The following UNC79 variants were observed in gnomAD, a reference collection of about 807,000 sequenced individuals.
UNC79 encodes the protein protein unc-79 homolog.
UNC79 carries 37 observed loss-of-function variants against 283.1 expected under a neutral mutation model. The observed-to-expected ratio is 0.13, with a 90% CI of 0.10 to 0.17. The LOEUF (loss-of-function observed/expected upper bound fraction) is 0.17. UNC79 is among the 10% of genes least tolerant of loss of function. The pLI, the probability that UNC79 is intolerant of heterozygous loss-of-function variation, is 1.00. For synonymous variants in UNC79, 1,107 were observed against 1,200.2 expected (o/e 0.92, Z 1.61); for missense variants, 2,272 against 3,211.1 (o/e 0.71, Z 7.07).
At chr14:93,375,331 G>T (rs1398187307) in intron 1 of UNC79, among the ~76,000 whole-genome samples, 2 of 152,304 alleles carry the variant, frequency 1.3e-5, no homozygotes, top group East Asian at 3.9e-4. Context: ...GCAGTGAGCT[G>T]TGATTGCACT....
chr14:93,603,354 C>T (rs775998364), exon 26 of UNC79: 32 of 1,614,014 alleles, frequency 2.0e-5, no homozygotes, highest in African/African-American at 4.0e-5. Flanking sequence ...TGAGGGACAG[C>T]GTGAAAGGGC....
chr14:93,399,553 G>C lies in UNC79; in HGVS notation c.-351+66030G>C, dbSNP rs188058300. 6.6e-5 allele frequency among the ~76,000 whole-genome samples: 10 copies of C among 152,240 alleles called. No individual in the cohort carries two copies. The East Asian group carries it at 1.9e-3, about 29-fold the overall frequency. ...TCCCATACTATTTTTGAGGAGAAAA[G>C]AGGCTTAATTTTATTAGATCCTTAA... On this transcript the variant is annotated intron_variant, in intron 1 of 49. Transcript: ENST00000256339.
chr14:93,497,996 A>C (rs1175481584), intron 7 of UNC79, among the ~76,000 whole-genome samples: 1 of 151,700 alleles, frequency 6.6e-6, no homozygotes, highest in African/African-American at 2.4e-5. Context: ...AAAAAAAATT[A>C]AGTGACCCCG....
At position 93,622,849 on chromosome 14, in the gene UNC79, C is replaced by T. The variant is rs374564401; in HGVS notation, c.5608+8C>T. On this transcript the variant is annotated splice_region_variant and intron_variant, in intron 30 of 48. Coordinates refer to ENST00000555664, the Ensembl canonical transcript of UNC79. ...GAGAACAGAAAGATCCAGGTAAGCT[C>T]GCCTCTCTTCTTTCTCTCAGCCTTA... 18 of 1,607,800 alleles carry T rather than the reference C, an allele frequency of 1.1e-5. No individual in the cohort carries two copies. The African/African-American group carries it at 1.3e-4, about 12-fold the overall frequency.
chr14:93,368,464 A>AG (rs887987110), intron 1 of UNC79, among the ~76,000 whole-genome samples: 7 of 151,980 alleles, frequency 4.6e-5, no homozygotes, highest in African/African-American at 1.7e-4. Context: ...GAAAATGTAG[A>AG]GAAAAAATGC....
In UNC79 at chr14:93,443,796, T is replaced by G. The variant is rs533036474; in HGVS notation, c.22+12745T>G. Among the ~76,000 whole-genome samples, 4 of 152,306 alleles carry G rather than the reference T, an allele frequency of 2.6e-5. No individual in the cohort carries two copies. In the East Asian group the frequency reaches 7.7e-4, roughly 29 times the overall value. On this transcript the variant is annotated intron_variant, in intron 1 of 48. Transcript: ENST00000555664. ...GTTGTTGGGTTAATTAATATTTTGTTTGTTTTTATTGCTCTATATAGTCCA... is the reference window on the plus strand; with the variant it reads ...GTTGTTGGGTTAATTAATATTTTGTGTGTTTTTATTGCTCTATATAGTCCA...
At chr14:93,567,272 C>G (rs2062948158) in intron 14 of UNC79, among the ~76,000 whole-genome samples, 1 of 152,204 alleles carries the variant, frequency 6.6e-6, no homozygotes, top group African/African-American at 2.4e-5. Flanking sequence ...GTTGCCCAGG[C>G]TGGAGTGTAG....
chr14:93,347,130 G>A (rs1162920435), intron 1 of UNC79: 2 of 927,528 alleles, frequency 2.2e-6, no homozygotes, highest in Non-Finnish European at 3.1e-6. Context: ...AAGGGGTGGG[G>A]TAGGGGGCGA....
chr14:93,626,104 A>C (rs1474286433), intron 30 of UNC79, among the ~76,000 whole-genome samples: 1 of 152,220 alleles, frequency 6.6e-6, no homozygotes, highest in Non-Finnish European at 1.5e-5. Context: ...ATTAATGGCC[A>C]TGAACCTCAA....
chr14:93,437,509 CA>C (rs1270246054), intron 1 of UNC79: 3 of 152,170 alleles, frequency 2.0e-5, no homozygotes, highest in Non-Finnish European at 4.4e-5. Flanking sequence ...TCTATCTGTG[CA>C]GCTGAAAGTC....
chr14:93,580,953 CCCT>C (rs2063760264), intron 19 of UNC79, among the ~76,000 whole-genome samples: 1 of 152,006 alleles, frequency 6.6e-6, no homozygotes, highest in African/African-American at 2.4e-5. Context: ...AAGTGGTCTA[CCCT>C]CCTCAACCTC....
chr14:93,463,248 G>A (rs1182165625), intron 1 of UNC79, among the ~76,000 whole-genome samples: 6 of 152,078 alleles, frequency 3.9e-5, no homozygotes, highest in Non-Finnish European at 8.8e-5. Flanking sequence ...AATGGTGATC[G>A]GAAAGTGCCT....
chr14:93,354,673 CT>C (rs951486971), intron 1 of UNC79, among the ~76,000 whole-genome samples: 18 of 151,358 alleles, frequency 1.2e-4, no homozygotes, highest in Admixed American at 2.6e-4. Context: ...AATTAAAAAA[CT>C]TTTTTTTTGT....
chr14:93,503,987 C>T (rs1158663413), intron 7 of UNC79, among the ~76,000 whole-genome samples: 1 of 151,856 alleles, frequency 6.6e-6, no homozygotes, highest in African/African-American at 2.4e-5. Flanking sequence ...TTATGGATAG[C>T]CAGTTGGCTC....
chr14:93,333,339 G>T (rs994673939), exon 1 of UNC79: 4 of 398,320 alleles, frequency 1.0e-5, no homozygotes, highest in Non-Finnish European at 1.3e-5. Flanking sequence ...TATAAGAACT[G>T]TGTCACTACT....
intron 14 of UNC79, among the ~76,000 whole-genome samples, chr14:93,552,425 T>C (rs2061947101): frequency 6.6e-6 from 1 of 152,200 alleles, no homozygotes; most frequent in Non-Finnish European, 1.5e-5. Context: ...AAAAAGGTAG[T>C]AGCAATTTCA....
chr14:93,480,090 A>G (rs2058047804), intron 4 of UNC79, among the ~76,000 whole-genome samples: 1 of 152,260 alleles, frequency 6.6e-6, no homozygotes, highest in South Asian at 2.1e-4. Flanking sequence ...ACACTTAATT[A>G]TTAATTTCTA....
intron 29 of UNC79, 24 bp downstream of exon 30, chr14:93,618,378 A>C: frequency 1.3e-6 from 2 of 1,586,966 alleles, no homozygotes; most frequent in Non-Finnish European, 1.7e-6. Flanking sequence ...TTCTATCCCA[A>C]ACCTAGCTTC....
exon 32 of UNC79, chr14:93,637,280 A>G: frequency 6.2e-7 from 1 of 1,611,986 alleles, no homozygotes; most frequent in Non-Finnish European, 8.5e-7. Flanking sequence ...ACCTGGAGGG[A>G]CAGCCATTGA....
Sources: allele counts gnomAD v4.1 joint callset (sites outside exome capture counted in the v4.1 genomes callset), GRCh38; gene constraint gnomAD v4.1.1; transcripts MANE v1.5; gene names NCBI Gene and HGNC (gene_info 2026-07-23, HGNC 2026-07-21).